The following PACS1 variants were observed in gnomAD, a reference collection of about 807,000 sequenced individuals.
PACS1 encodes phosphofurin acidic cluster sorting protein 1, also known as PACS-1.
PACS1 carries 24 observed loss-of-function variants against 115.0 expected under a neutral mutation model. That is an observed-to-expected ratio of 0.21 (90% CI 0.15 to 0.29). PACS1 has a LOEUF of 0.29. Among genes scored for constraint, PACS1 ranks in the 10% least tolerant of loss-of-function variants. PACS1 has a pLI of 1.00. For missense variants in PACS1, 838 were observed against 1,251.2 expected (o/e 0.67, Z 4.98); for synonymous variants, 453 against 504.5 (o/e 0.90, Z 1.37).
Position 66,226,134 on chromosome 11 carries a change from T to G in PACS1, c.1294-1370T>G, listed in dbSNP as rs372025701. On this transcript the variant is annotated intron_variant, in intron 10 of 23. Transcript: ENST00000320580. Reference sequence around the variant, plus strand: ...TTGCAGTGAGCCAAGATTGCACCACTACACCCCAGCCTGGGCAATAGAGTG... The same window carrying G: ...TTGCAGTGAGCCAAGATTGCACCACGACACCCCAGCCTGGGCAATAGAGTG... 8.7e-4 allele frequency among the ~76,000 whole-genome samples: 133 copies of G among 152,272 alleles called. 3 individuals carry two copies. The South Asian group carries it at 0.026, about 30-fold the overall frequency.
chr11:66,187,924 G>GTT (rs559533826), intron 1 of PACS1, among the ~76,000 whole-genome samples: 29 of 152,250 alleles, frequency 1.9e-4, no homozygotes, highest in African/African-American at 6.5e-4. Flanking sequence ...ACATTCACTA[G>GTT]TTACAACAGT....
chr11:66,148,491 C>A lies in PACS1; in HGVS notation c.357-44995C>A, dbSNP rs192224321. Among the ~76,000 whole-genome samples the A allele has an allele frequency of 1.1e-3, 174 of 152,290 alleles. No homozygotes were observed. The Middle Eastern group carries it at 0.027, about 24-fold the overall frequency. On this transcript the variant is annotated intron_variant, in intron 1 of 23. Coordinates refer to ENST00000320580, the MANE Select transcript of PACS1 (RefSeq NM_018026.4). ...TTTAGTCCTTTTGACTTAGCACTTT[C>A]AGTTTTAAGAACACATATCATAGAA...
intron 2 of PACS1, among the ~76,000 whole-genome samples, chr11:66,201,320 T>A (rs1200888336): frequency 6.6e-6 from 1 of 151,968 alleles, no homozygotes; most frequent in African/African-American, 2.4e-5. Context: ...TAGGCACACA[T>A]GGAATTAAAC....
At chr11:66,088,602 G>A (rs950587306) in intron 1 of PACS1, among the ~76,000 whole-genome samples, 6 of 152,076 alleles carry the variant, frequency 3.9e-5, no homozygotes, top group African/African-American at 1.4e-4. Context: ...CTGTACCATC[G>A]GTCAGTCTGT....
intron 1 of PACS1, among the ~76,000 whole-genome samples, chr11:66,156,919 A>T (rs1859376106): frequency 6.6e-6 from 1 of 151,528 alleles, no homozygotes; most frequent in South Asian, 2.1e-4. Flanking sequence ...TCTCTAGGTG[A>T]TGATTATACT....
intron 13 of PACS1, 139 bp from the exon 14 acceptor site, chr11:66,232,033 G>C: frequency 1.6e-6 from 1 of 611,412 alleles, no homozygotes; most frequent in Non-Finnish European, 3.0e-6. Context: ...GTGGGAGACT[G>C]AGTCTCCCTC....
chr11:66,073,540 A>G (rs1188249773), intron 1 of PACS1, among the ~76,000 whole-genome samples: 2 of 151,996 alleles, frequency 1.3e-5, no homozygotes, highest in African/African-American at 4.8e-5. Context: ...TCAAAATATA[A>G]TTTTCTTTTG....
chr11:66,083,448 T>A (rs1366746386), intron 1 of PACS1, among the ~76,000 whole-genome samples: 4 of 152,176 alleles, frequency 2.6e-5, no homozygotes, highest in African/African-American at 9.7e-5. Flanking sequence ...TTTGGTTGAC[T>A]TTTTCCTCCA....
At chr11:66,157,869 G>A (rs996350375) in intron 1 of PACS1, among the ~76,000 whole-genome samples, 2 of 152,020 alleles carry the variant, frequency 1.3e-5, no homozygotes, top group African/African-American at 4.8e-5. Context: ...ACCTAACATG[G>A]TATTTAGAAT....
intron 1 of PACS1, among the ~76,000 whole-genome samples, chr11:66,150,615 G>A (rs1184188750): frequency 3.3e-5 from 5 of 152,148 alleles, no homozygotes; most frequent in Admixed American, 6.5e-5. Flanking sequence ...ACTTGAAAAC[G>A]TGTTACTTTT....
At chr11:66,139,091 TG>T (rs1326038603) in intron 1 of PACS1, among the ~76,000 whole-genome samples, 1 of 152,226 alleles carries the variant, frequency 6.6e-6, no homozygotes, top group African/African-American at 2.4e-5. Flanking sequence ...CAGCCTGTTA[TG>T]AAACCAGTGC....
intron 1 of PACS1, among the ~76,000 whole-genome samples, chr11:66,133,356 T>C (rs144067873): frequency 1.2e-4 from 19 of 152,278 alleles, no homozygotes; most frequent in African/African-American, 4.6e-4. Context: ...AGGAGCTGAG[T>C]TTTTTTCCTA....
intron 1 of PACS1, among the ~76,000 whole-genome samples, chr11:66,132,945 G>C (rs895227641): frequency 2.6e-5 from 4 of 152,192 alleles, no homozygotes; most frequent in Non-Finnish European, 4.4e-5. Context: ...TGGGATTACA[G>C]AAGTGAGCCA....
At chr11:66,148,201 C>G (rs561463031) in intron 1 of PACS1, among the ~76,000 whole-genome samples, 20 of 152,232 alleles carry the variant, frequency 1.3e-4, no homozygotes, top group African/African-American at 4.8e-4. Flanking sequence ...ATTGCCCAGG[C>G]TAGAGTGCAG....
chr11:66,233,189 C>T lies in PACS1; in HGVS notation c.1838+123C>T, dbSNP rs981989043. The T allele has an allele frequency of 1.4e-5, 10 of 712,490 alleles. No individual in the cohort carries two copies. Among genetic ancestry groups the T allele is most frequent in the Admixed American group, 4.8e-5 (2 of 41,346 alleles). 44.1% of individuals were successfully genotyped at this position (712,490 alleles called of 1,614,324 possible). ...ATCAGACCAAGAATTTGCAGAGGGG[C>T]GTATGTTTAGGGGGGTGGCGGCAGC... On this transcript the variant is annotated intron_variant, in intron 15 of 23. Transcript: ENST00000320580. This position sits in a 1 kb window ranked among gnomAD's most constrained non-coding sequence, Gnocchi z 4.5.
rs1195085016 is a variant in PACS1 at position 66,244,284 on chromosome 11, C to G, written c.*1004C>G. 6.6e-6 allele frequency: 1 copy of G among 152,582 alleles called. No homozygotes were observed. The highest frequency in any genetic ancestry group is 2.4e-5 in the African/African-American group (1 of 41,446). The allele number at this position is 152,582 out of a possible 1,614,324, so 9.5% of individuals were successfully genotyped here. A position where few individuals can be genotyped will look rare whatever the true frequency, so the allele number is the denominator to read the frequency against. The stretch of plus-strand genomic sequence containing the variant: ...CCACCGTGTCAGTTTTTCTGCCTTT[C>G]CCTGCTCTGTTCTTCCCCCTCCTTA... On this transcript the variant is annotated 3_prime_UTR_variant, in exon 24 of 24. Transcript: ENST00000320580.
At chr11:66,146,797 A>G (rs567780196) in intron 1 of PACS1, among the ~76,000 whole-genome samples, 21 of 152,254 alleles carry the variant, frequency 1.4e-4, no homozygotes, top group African/African-American at 5.1e-4. Context: ...CTGTAACCCC[A>G]GCACCCCAGC....
intron 7 of PACS1, among the ~76,000 whole-genome samples, chr11:66,219,056 A>G (rs1855279206): frequency 6.6e-6 from 1 of 152,032 alleles, no homozygotes; most frequent in Non-Finnish European, 1.5e-5. Context: ...GAAGACTTCT[A>G]GTCGGAGGGT....
At chr11:66,173,204 A>C (rs952438432) in intron 1 of PACS1, among the ~76,000 whole-genome samples, 1 of 151,660 alleles carries the variant, frequency 6.6e-6, no homozygotes, top group African/African-American at 2.4e-5. Flanking sequence ...AGGTGCTGAC[A>C]TTACAGGCAT....
Sources: gnomAD v4.1 joint callset for allele counts (sites outside exome capture counted in the v4.1 genomes callset) on GRCh38, gnomAD v4.1.1 for gene constraint, Gnocchi (gnomAD v3.1) non-coding constraint, MANE v1.5 for transcripts, NCBI Gene and HGNC (gene_info 2026-07-23, HGNC 2026-07-21) for gene names.